Variants in TPH2 observed in about 807,000 individuals in gnomAD.
The protein encoded by TPH2 is tryptophan 5-hydroxylase 2.
TPH2 carries 27 observed loss-of-function variants against 59.1 expected under a neutral mutation model. The ratio of observed to expected loss-of-function variants is 0.46; its 90% CI spans 0.34 to 0.63. The LOEUF (loss-of-function observed/expected upper bound fraction) is 0.63. Ranked by LOEUF, TPH2 falls within the 30% of genes least tolerant of loss-of-function variation. The probability of loss-of-function intolerance (pLI) is 0.01; values close to 1 mark genes in which losing one functional copy is unlikely to be tolerated. For synonymous variants in TPH2, 220 were observed against 210.5 expected (o/e 1.05, Z -0.39); for missense variants, 523 against 588.3 (o/e 0.89, Z 1.15).
At chr12:71,944,721 C>T in intron 4 of TPH2, 35 bp downstream of exon 4, 1 of 1,576,574 alleles carries the variant, frequency 6.3e-7, no homozygotes, top group Non-Finnish European at 8.7e-7. Flanking sequence ...CTCACATGCT[C>T]TTTCAGCTCC....
intron 8 of TPH2, among the ~76,000 whole-genome samples, chr12:72,018,106 C>G (rs1303587493): frequency 6.6e-6 from 1 of 152,200 alleles, no homozygotes; most frequent in African/African-American, 2.4e-5. Context: ...GTCTAATTCT[C>G]TAAACAGAAT....
chr12:71,942,683 T>C (rs1417729588), intron 2 of TPH2, among the ~76,000 whole-genome samples: 1 of 152,240 alleles, frequency 6.6e-6, no homozygotes, highest in Non-Finnish European at 1.5e-5. Context: ...GAAAGTGCTT[T>C]GTAAAGTGTA....
At chr12:71,967,661 C>T (rs1275910728) in intron 5 of TPH2, among the ~76,000 whole-genome samples, 1 of 152,096 alleles carries the variant, frequency 6.6e-6, no homozygotes, top group Non-Finnish European at 1.5e-5. Context: ...TTCTAGATAT[C>T]CAATTATAAT....
intron 8 of TPH2, among the ~76,000 whole-genome samples, chr12:72,002,658 A>C (rs1421267709): frequency 6.6e-6 from 1 of 152,142 alleles, no homozygotes; most frequent in Admixed American, 6.6e-5. Context: ...AGCTTTTAGA[A>C]TTCCAAGAAA....
chr12:71,999,760 G>C (rs1872776803), intron 8 of TPH2, among the ~76,000 whole-genome samples: 1 of 152,212 alleles, frequency 6.6e-6, no homozygotes, highest in Non-Finnish European at 1.5e-5. Flanking sequence ...AGGTTCTTTG[G>C]CTGCAAGTGA....
chr12:71,989,648 T>C (rs962777606), intron 7 of TPH2, among the ~76,000 whole-genome samples: 19 of 152,230 alleles, frequency 1.2e-4, no homozygotes, highest in Admixed American at 5.2e-4. Context: ...AAGGCTTTAA[T>C]TTACAACAAA....
At chr12:72,025,974 G>A (rs867685247) in intron 9 of TPH2, among the ~76,000 whole-genome samples, 1 of 152,156 alleles carries the variant, frequency 6.6e-6, no homozygotes, top group African/African-American at 2.4e-5. Context: ...ATGTAGTAGG[G>A]AAATTCTAAG....
At chr12:71,948,336 G>C (rs566911733) in intron 4 of TPH2, among the ~76,000 whole-genome samples, 1 of 151,994 alleles carries the variant, frequency 6.6e-6, no homozygotes, top group Non-Finnish European at 1.5e-5. Flanking sequence ...TTGGACAGAG[G>C]ATACTTCATT....
intron 9 of TPH2, among the ~76,000 whole-genome samples, chr12:72,023,824 A>AAAAAAAAAAAAAAAAAG (rs1555215108): frequency 2.4e-5 from 3 of 126,742 alleles, no homozygotes; most frequent in Non-Finnish European, 4.9e-5. Flanking sequence ...TCTGACAGAA[A>AAAAAAAAAAAAAAAAAG]AAAAAAAAAA....
chr12:71,982,847 A>G (rs941345912), intron 7 of TPH2, among the ~76,000 whole-genome samples: 1 of 152,226 alleles, frequency 6.6e-6, no homozygotes, highest in Non-Finnish European at 1.5e-5. Context: ...ACATTATCTG[A>G]AAAAAGAATT....
chr12:71,960,419 T>C (rs957215851), intron 5 of TPH2, among the ~76,000 whole-genome samples: 3 of 152,230 alleles, frequency 2.0e-5, no homozygotes, highest in Non-Finnish European at 4.4e-5. Context: ...CTTAGTGTAT[T>C]TGAAATGCAC....
At position 71,938,941 on chromosome 12, in the gene TPH2, C is replaced by A. The variant is rs1460278176; in HGVS notation, c.-46C>A. ...AATCTCCGCCAGCGCTGCTACTGCC[C>A]CTCTAGTACCCCCTGCTGCAGAGAA... On this transcript the variant is annotated 5_prime_UTR_variant, in exon 1 of 11. Transcript: ENST00000333850. 1 of 1,513,150 alleles carries A rather than the reference C, an allele frequency of 6.6e-7. No individual in the cohort carries two copies. The highest frequency in any genetic ancestry group is 2.3e-5 in the East Asian group (1 of 44,394). The allele number at this position is 1,513,150 out of a possible 1,614,324, so 93.7% of individuals were successfully genotyped here. A position where few individuals can be genotyped will look rare whatever the true frequency, so the allele number is the denominator to read the frequency against.
At chr12:71,951,700 GCA>G (rs141106859) in intron 5 of TPH2, among the ~76,000 whole-genome samples, 25 of 134,040 alleles carry the variant, frequency 1.9e-4, no homozygotes, top group African/African-American at 6.4e-4. Flanking sequence ...GTGTGTGTGT[GCA>G]TGTGTGTGTG....
intron 7 of TPH2, among the ~76,000 whole-genome samples, chr12:71,983,398 T>C (rs746626943): frequency 1.1e-4 from 16 of 152,136 alleles, no homozygotes; most frequent in Non-Finnish European, 1.6e-4. Context: ...AAAAAATCAA[T>C]TGGGCCAAAT....
intron 7 of TPH2, among the ~76,000 whole-genome samples, chr12:71,983,385 T>TA (rs34133267): frequency 2.0e-5 from 3 of 151,960 alleles, no homozygotes; most frequent in Admixed American, 1.3e-4. Context: ...TGATTTCCTT[T>TA]AAAAAAAATC....
chr12:72,022,595 C>A, intron 9 of TPH2, 101 bp downstream of exon 9: 1 of 969,240 alleles, frequency 1.0e-6, no homozygotes, highest in Non-Finnish European at 1.6e-6. Context: ...ACAGATACTC[C>A]ATAAATATTT....
At chr12:71,941,005 C>T (rs1244255750) in intron 1 of TPH2, among the ~76,000 whole-genome samples, 1 of 152,044 alleles carries the variant, frequency 6.6e-6, no homozygotes, top group Non-Finnish European at 1.5e-5. Context: ...ATACATGTGT[C>T]TGTGCTGAAC....
At chr12:72,019,303 C>T (rs1334850214) in intron 8 of TPH2, among the ~76,000 whole-genome samples, 1 of 152,172 alleles carries the variant, frequency 6.6e-6, no homozygotes, top group Non-Finnish European at 1.5e-5. Flanking sequence ...ATTTTCCATG[C>T]AGTACCTCCA....
intron 7 of TPH2, among the ~76,000 whole-genome samples, chr12:71,984,941 A>G (rs1300123097): frequency 3.9e-5 from 6 of 152,152 alleles, no homozygotes; most frequent in Admixed American, 3.9e-4. Flanking sequence ...AATTCCTTCC[A>G]TCCTTCAGCA....
Sources: gnomAD v4.1 joint callset for allele counts (sites outside exome capture counted in the v4.1 genomes callset) on GRCh38, gnomAD v4.1.1 for gene constraint, MANE v1.5 for transcripts, NCBI Gene and HGNC (gene_info 2026-07-23, HGNC 2026-07-21) for gene names.